Variants in SMYD1 observed in about 807,000 individuals in gnomAD.
SMYD1 encodes the protein SET and MYND domain containing 1.
In SMYD1, 49 loss-of-function variants were observed where a neutral mutation model predicts 54.0. The observed-to-expected ratio is 0.91, with a 90% confidence interval of 0.72 to 1.15. The LOEUF is 1.15. Ranked by LOEUF, SMYD1 falls within the 50% of genes most tolerant of loss-of-function variation. SMYD1 has a pLI of 0.00. For missense variants in SMYD1, 653 were observed against 639.6 expected (o/e 1.02, Z -0.23); for synonymous variants, 269 against 234.2 (o/e 1.15, Z -1.36).
intron 5 of SMYD1, among the ~76,000 whole-genome samples, chr2:88,094,429 T>C (rs1338310590): frequency 6.6e-6 from 1 of 152,138 alleles, no homozygotes; most frequent in Non-Finnish European, 1.5e-5. Flanking sequence ...TTGCAGATTG[T>C]TTGAGGTAGA....
At chr2:88,106,589 C>A in intron 8 of SMYD1, 101 bp downstream of exon 8, 4 of 1,245,740 alleles carry the variant, frequency 3.2e-6, no homozygotes, top group African/African-American at 3.0e-5. Context: ...CCTCCTATAC[C>A]CACAGCAGGC....
chr2:88,095,547 A>G (rs1019302871), intron 5 of SMYD1, among the ~76,000 whole-genome samples: 3 of 152,172 alleles, frequency 2.0e-5, no homozygotes, highest in Non-Finnish European at 4.4e-5. Flanking sequence ...CATGCTGTCC[A>G]ACTGAGCCTT....
At chr2:88,089,436 G>T (rs1423853814) in intron 3 of SMYD1, among the ~76,000 whole-genome samples, 1 of 152,074 alleles carries the variant, frequency 6.6e-6, no homozygotes, top group Non-Finnish European at 1.5e-5. Flanking sequence ...ACAACACAAG[G>T]TAAGGTCCAT....
intron 5 of SMYD1, among the ~76,000 whole-genome samples, chr2:88,093,834 C>T (rs1573113863): frequency 1.3e-5 from 2 of 152,302 alleles, no homozygotes; most frequent in East Asian, 3.9e-4. Flanking sequence ...CCCTTGTAGT[C>T]CACATCGTCT....
In SMYD1 at chr2:88,067,972, G is replaced by T; in HGVS notation, c.108G>T (p.Glu36Asp). ...EFWAADIIFAERAYSAVVFDS... is the reference protein window; with the variant it reads ...EFWAADIIFADRAYSAVVFDS... ...GGGCTGCAGATATCATCTTTGCTGA[G>T]CGGGCTTATTCCGCAGTGGTTTTTG... is the stretch of plus-strand genomic sequence containing the variant. Residue 36 changes from glutamate to aspartate, a missense_variant, in exon 1 of 10, where the codon GAG (glutamate) becomes GAT (aspartate). Transcript: ENST00000419482. The T allele has an allele frequency of 6.2e-7, 1 of 1,613,800 alleles. No homozygotes were observed. The highest frequency in any genetic ancestry group is 8.5e-7 in the Non-Finnish European group (1 of 1,180,016).
chr2:88,100,047 C>A (rs1416476229), intron 6 of SMYD1, among the ~76,000 whole-genome samples: 1 of 150,920 alleles, frequency 6.6e-6, no homozygotes, highest in Non-Finnish European at 1.5e-5. Context: ...TTCTCCTATG[C>A]CTCTGGCTCC....
At position 88,067,909 on chromosome 2, in the gene SMYD1, G is replaced by A. The variant is rs763967425; in HGVS notation, c.45G>A (p.Glu15=). 1.2e-6 allele frequency: 2 copies of A among 1,614,064 alleles called. No individual in the cohort carries two copies. The highest frequency in any genetic ancestry group is 2.2e-5 in the South Asian group (2 of 91,060). ...AGAACGTGGAGGTCTTCACCGCTGA[G>A]GGCAAAGGAAGGGGTCTGAAGGCCA... The part of the protein sequence containing the change: ...RMENVEVFTA[E]GKGRGLKATK... The change falls in exon 1 of 10, where the codon GAG becomes GAA. Residue 15 remains glutamate, a synonymous_variant. Coordinates refer to ENST00000419482, the MANE Select transcript of SMYD1 (RefSeq NM_198274.4).
At chr2:88,106,851 T>TTTTA (rs757984207) in intron 8 of SMYD1, among the ~76,000 whole-genome samples, 75 of 152,292 alleles carry the variant, frequency 4.9e-4, no homozygotes, top group African/African-American at 1.4e-3. Flanking sequence ...GTCTAGGAGC[T>TTTTA]TTTATTTATT....
chr2:88,073,961 C>A (rs558480748), intron 1 of SMYD1, among the ~76,000 whole-genome samples: 6 of 152,226 alleles, frequency 3.9e-5, no homozygotes, highest in African/African-American at 1.4e-4. Flanking sequence ...CCCTCTATTA[C>A]CTAGCTCGAT....
At position 88,106,310 on chromosome 2, in the gene SMYD1, T is replaced by C; in HGVS notation, c.982-15T>C. Reference sequence around the variant, plus strand: ...TGGTGCAATGGTAATGGGCAGGGCCTCTGTCTCACTCTAGGTTGTGAAATT... The same window carrying C: ...TGGTGCAATGGTAATGGGCAGGGCCCCTGTCTCACTCTAGGTTGTGAAATT... On this transcript the variant is annotated splice_polypyrimidine_tract_variant and intron_variant, in intron 7 of 9. Coordinates refer to ENST00000419482, the MANE Select transcript of SMYD1 (RefSeq NM_198274.4). 1 of 1,613,462 alleles carries C rather than the reference T, an allele frequency of 6.2e-7. No individual in the cohort carries two copies. Among genetic ancestry groups the C allele is most frequent in the Middle Eastern group, 1.7e-4 (1 of 5,904 alleles).
At position 88,093,913 on chromosome 2, in the gene SMYD1, A is replaced by C. The variant is rs1674518507; in HGVS notation, c.698+358A>C. Among the ~76,000 whole-genome samples, 4 of 152,162 alleles carry C rather than the reference A, an allele frequency of 2.6e-5. No homozygotes were observed. In the South Asian group the frequency reaches 8.3e-4, roughly 32 times the overall value. On this transcript the variant is annotated intron_variant, in intron 5 of 9. Transcript: ENST00000419482. ...AATGGGGACTGTGACTGACCTACTA[A>C]AGGACTGTCTGTTTATAAGCCCCAA...
chr2:88,083,936 A>G (rs1275650688), intron 1 of SMYD1, among the ~76,000 whole-genome samples: 5 of 152,210 alleles, frequency 3.3e-5, no homozygotes, highest in Admixed American at 6.5e-5. Flanking sequence ...TGTACTAAAA[A>G]TACAAAAATT....
At chr2:88,093,590 G>A (rs1674511097) in intron 5 of SMYD1, 35 bp downstream of exon 5, 1 of 1,613,556 alleles carries the variant, frequency 6.2e-7, no homozygotes, top group South Asian at 1.1e-5. Flanking sequence ...CTGCTCCTCT[G>A]ACCCATCTCC....
Position 88,067,844 on chromosome 2 carries a change from G to C in SMYD1, c.-21G>C. On this transcript the variant is annotated 5_prime_UTR_variant, in exon 1 of 10. Coordinates refer to ENST00000419482, the MANE Select transcript of SMYD1 (RefSeq NM_198274.4). ...TGGCTCAGTGTTAAATAACTGCCGC[G>C]CTGGCCTGACAGTCTCTGAGATGAC... is the stretch of plus-strand genomic sequence containing the variant. 1 of 1,610,464 alleles carries C rather than the reference G, an allele frequency of 6.2e-7. No homozygotes were observed. The highest frequency in any genetic ancestry group is 8.5e-7 in the Non-Finnish European group (1 of 1,178,728).
chr2:88,085,321 A>C (rs1175928649), intron 2 of SMYD1, among the ~76,000 whole-genome samples: 1 of 152,118 alleles, frequency 6.6e-6, no homozygotes, highest in African/African-American at 2.4e-5. Context: ...GGTGGCCATC[A>C]TCAGAATCTC....
At chr2:88,109,269 C>CGTGTGTGTGT (rs57720073) in intron 9 of SMYD1, among the ~76,000 whole-genome samples, 90,630 of 151,504 alleles carry the variant, frequency 0.6, 28,088 homozygotes, top group African/African-American at 0.75. Flanking sequence ...TGCATGTGTG[C>CGTGTGTGTGT]GTGTGTGCAT....
chr2:88,074,484 A>C (rs13387491), intron 1 of SMYD1, among the ~76,000 whole-genome samples: 7,940 of 152,254 alleles, frequency 0.052, 671 homozygotes, highest in African/African-American at 0.18. Context: ...TTAATCACTC[A>C]TGCAAAGTTC....
intron 3 of SMYD1, among the ~76,000 whole-genome samples, chr2:88,088,720 A>T (rs939208802): frequency 4.6e-5 from 7 of 152,158 alleles, no homozygotes; most frequent in Non-Finnish European, 8.8e-5. Flanking sequence ...CCTGCCCACC[A>T]GTCACTTTGG....
chr2:88,076,083 G>T (rs572231466), intron 1 of SMYD1, among the ~76,000 whole-genome samples: 27 of 152,216 alleles, frequency 1.8e-4, no homozygotes, highest in African/African-American at 6.3e-4. Context: ...TCCTACCTCA[G>T]TTGAAGTAGT....
Sources: allele counts gnomAD v4.1 joint callset (sites outside exome capture counted in the v4.1 genomes callset), GRCh38; gene constraint gnomAD v4.1.1; transcripts MANE v1.5; gene names NCBI Gene and HGNC (gene_info 2026-07-23, HGNC 2026-07-21).